VPS13D: variants seen among roughly 807,000 people sequenced by gnomAD.
VPS13D encodes the protein vacuolar protein sorting 13 homolog D, also known as intermembrane lipid transfer protein VPS13D.
VPS13D carries 187 observed loss-of-function variants against 461.9 expected under a neutral mutation model. That is an observed-to-expected ratio of 0.40 (90% CI 0.36 to 0.46). The LOEUF is 0.46. Ranked by LOEUF, VPS13D falls within the 20% of genes least tolerant of loss-of-function variation. The pLI, the probability that VPS13D is intolerant of heterozygous loss-of-function variation, is 0.60. For synonymous variants in VPS13D, 1,951 were observed against 1,986.3 expected (o/e 0.98, Z 0.47); for missense variants, 4,711 against 5,364.9 (o/e 0.88, Z 3.81).
chr1:12,256,542 AACTGGT>A, intron 8 of VPS13D, 39 bp downstream of exon 8: 1 of 1,604,284 alleles, frequency 6.2e-7, no homozygotes, highest in Non-Finnish European at 8.5e-7. Flanking sequence ...CTTACTGTCA[AACTGGT>A]GACTGCAGTG....
At chr1:12,466,303 A>G (rs932839382) in intron 67 of VPS13D, among the ~76,000 whole-genome samples, 14 of 152,210 alleles carry the variant, frequency 9.2e-5, no homozygotes, top group African/African-American at 3.1e-4. Flanking sequence ...TTGAGCCTTT[A>G]GGGAACTTCC....
rs931591397 is a variant in VPS13D at position 12,369,716 on chromosome 1, A to T, written c.10808+14A>T. On this transcript the variant is annotated intron_variant, in intron 54 of 69. Coordinates refer to ENST00000620676, the MANE Select transcript of VPS13D (RefSeq NM_015378.4). ...TACATTCTCTGGGTAATTCTTGATT[A>T]AATTACTGTTCCTATAAAGCAGAAG... is the stretch of plus-strand genomic sequence containing the variant. 1.1e-5 allele frequency: 18 copies of T among 1,608,166 alleles called. No individual in the cohort carries two copies. Among genetic ancestry groups the T allele is most frequent in the Non-Finnish European group, 1.5e-5 (18 of 1,175,290 alleles).
chr1:12,313,810 A>C (rs776312203), intron 29 of VPS13D, among the ~76,000 whole-genome samples: 1 of 152,128 alleles, frequency 6.6e-6, no homozygotes, highest in East Asian at 1.9e-4. Context: ...TAGACTTCTG[A>C]TGGGTCATGG....
chr1:12,398,448 G>A (rs1057417553), intron 60 of VPS13D, among the ~76,000 whole-genome samples: 3 of 151,504 alleles, frequency 2.0e-5, no homozygotes, highest in African/African-American at 7.3e-5. Flanking sequence ...TTTGTAAAAT[G>A]AGGAGGAATA....
chr1:12,304,458 G>T (rs776474396), intron 25 of VPS13D, 48 bp from the exon 26 acceptor site: 2 of 1,533,306 alleles, frequency 1.3e-6, no homozygotes, highest in Admixed American at 3.8e-5. Flanking sequence ...CACCAGTGCT[G>T]CCCCCTTCCC....
chr1:12,312,051 CTTTTGGTT>C, intron 29 of VPS13D, 126 bp downstream of exon 29: 5 of 627,078 alleles, frequency 8.0e-6, no homozygotes, highest in South Asian at 3.2e-5. Context: ...TGCAGAGTGT[CTTTTGGTT>C]GATCTACACA....
rs1309728547 is a variant in VPS13D, at chr1:12,464,128, T to C, written c.12662+3732T>C. ...ACTATCACCGAGGGATAAATCACCC[T>C]GGTTTCTTGGAAGTGAGTTATAACC... is the stretch of plus-strand genomic sequence containing the variant. On this transcript the variant is annotated intron_variant, in intron 67 of 69. Transcript: ENST00000620676. 3.3e-5 allele frequency among the ~76,000 whole-genome samples: 5 copies of C among 152,228 alleles called. No individual in the cohort carries two copies. The East Asian group carries it at 9.6e-4, about 29-fold the overall frequency.
At position 12,277,046 on chromosome 1, in the gene VPS13D, A is replaced by G. The variant is rs1569777402; in HGVS notation, c.3458A>G (p.Gln1153Arg). Residue 1153 changes from glutamine to arginine, a missense_variant, in exon 19 of 70, where the codon CAA becomes CGA. Transcript: ENST00000620676. ...MTDFERSFRE[Q>R]GTYQSTYEQN... is the part of the protein sequence containing the mutation. ...GATTTTGAAAGAAGCTTCAGAGAAC[A>G]AGGAACTTACCAGTCTACATATGAA... 1.9e-6 allele frequency: 3 copies of G among 1,614,058 alleles called. No individual in the cohort carries two copies. Among genetic ancestry groups the G allele is most frequent in the Admixed American group, 1.7e-5 (1 of 60,004 alleles).
At chr1:12,331,796 G>C (rs956793234) in intron 37 of VPS13D, among the ~76,000 whole-genome samples, 1 of 150,556 alleles carries the variant, frequency 6.6e-6, no homozygotes, top group African/African-American at 2.4e-5. Context: ...CTATTTTTCT[G>C]AGAATCATTT....
chr1:12,311,948 A>G (rs773044143), intron 29 of VPS13D, 23 bp downstream of exon 29: 3 of 1,578,204 alleles, frequency 1.9e-6, no homozygotes, highest in Non-Finnish European at 2.6e-6. Flanking sequence ...TTATATTATT[A>G]TACTGTTAGT....
chr1:12,343,938 G>T (rs1643622799), intron 42 of VPS13D, among the ~76,000 whole-genome samples: 1 of 152,162 alleles, frequency 6.6e-6, no homozygotes, highest in African/African-American at 2.4e-5. Flanking sequence ...TTAACAAGCA[G>T]CTAGTTTCAG....
intron 69 of VPS13D, among the ~76,000 whole-genome samples, chr1:12,508,568 G>C (rs974850578): frequency 7.0e-6 from 1 of 142,728 alleles, no homozygotes; most frequent in African/African-American, 2.6e-5. Flanking sequence ...AAAAAAAATC[G>C]TTAGCTGTGC....
intron 67 of VPS13D, among the ~76,000 whole-genome samples, chr1:12,484,463 A>G (rs1251121623): frequency 6.6e-6 from 1 of 152,260 alleles, no homozygotes; most frequent in Non-Finnish European, 1.5e-5. Context: ...CCTATTAAAG[A>G]GATTTTCATT....
chr1:12,233,689 G>A (rs1455284086), intron 1 of VPS13D, among the ~76,000 whole-genome samples: 1 of 152,180 alleles, frequency 6.6e-6, no homozygotes, highest in Non-Finnish European at 1.5e-5. Context: ...TCAGAATGTA[G>A]GTGTTTTGGT....
At chr1:12,323,158 C>G (rs1643083711) in intron 34 of VPS13D, among the ~76,000 whole-genome samples, 1 of 152,192 alleles carries the variant, frequency 6.6e-6, no homozygotes, top group South Asian at 2.1e-4. Context: ...CAGCCTCAAA[C>G]TCCTGGGCCC....
intron 63 of VPS13D, 26 bp from the exon 64 acceptor site, chr1:12,415,061 T>C: frequency 6.2e-7 from 1 of 1,612,540 alleles, no homozygotes; most frequent in Non-Finnish European, 8.5e-7. Context: ...GACTTAAGTA[T>C]GTCATTTCCT....
intron 1 of VPS13D, among the ~76,000 whole-genome samples, 191 bp downstream of exon 1, chr1:12,230,311 G>A (rs1239593331): frequency 1.3e-5 from 2 of 152,092 alleles, no homozygotes; most frequent in Non-Finnish European, 2.9e-5. Context: ...AACCCTGGGC[G>A]TCTGCTCCCC....
chr1:12,277,629 G>C lies in VPS13D; in HGVS notation c.4041G>C (p.Arg1347Ser). Reference sequence around the variant, plus strand: ...TGGTATCGCTCTTTGAAACTCCAAGGAAGACTCGGGAACCCTTTATCTTAG... The same window carrying C: ...TGGTATCGCTCTTTGAAACTCCAAGCAAGACTCGGGAACCCTTTATCTTAG... ...SEMVSLFETP[R>S]KTREPFILEE... The change falls in exon 19 of 70, where the codon AGG (arginine) becomes AGC (serine). Residue 1347 changes from arginine to serine, a missense_variant. Arg to Ser is a moderately radical substitution (Grantham distance 110, BLOSUM62 -1). This residue lies in a region of VPS13D where 4,411 missense variants were observed against 4,937.8 expected (regional missense o/e 0.89). Coordinates refer to ENST00000620676, the MANE Select transcript of VPS13D (RefSeq NM_015378.4). The C allele has an allele frequency of 6.2e-7, 1 of 1,613,998 alleles. No individual in the cohort carries two copies. Among genetic ancestry groups the C allele is most frequent in the Non-Finnish European group, 8.5e-7 (1 of 1,180,010 alleles).
At chr1:12,260,351 T>C (rs994312382) in intron 10 of VPS13D, among the ~76,000 whole-genome samples, 2 of 152,122 alleles carry the variant, frequency 1.3e-5, no homozygotes, top group Admixed American at 6.5e-5. Context: ...TAAAACTGAG[T>C]ACTGCTGTTC....
Sources: allele counts gnomAD v4.1 joint callset (sites outside exome capture counted in the v4.1 genomes callset), GRCh38; gene constraint gnomAD v4.1.1; regional missense constraint gnomAD v4.1.1; transcripts MANE v1.5; gene names NCBI Gene and HGNC (gene_info 2026-07-23, HGNC 2026-07-21).